C8A: variants seen among roughly 807,000 people sequenced by gnomAD.
The protein encoded by C8A is complement component C8 alpha chain.
A neutral mutation model predicts 65.3 loss-of-function variants in C8A; 67 were observed. The ratio of observed to expected loss-of-function variants is 1.03; its 90% CI spans 0.84 to 1.26. The LOEUF is 1.26. Among genes scored for constraint, C8A ranks in the 50% most tolerant of loss-of-function variants. C8A has a pLI of 0.00. For missense variants in C8A, 781 were observed against 723.9 expected, an observed-to-expected ratio of 1.08 and a Z score of -0.90; for synonymous variants, 290 against 259.4, an observed-to-expected ratio of 1.12 and a Z score of -1.13.
intron 7 of C8A, among the ~76,000 whole-genome samples, chr1:56,887,620 A>T (rs1418969805): frequency 6.6e-6 from 1 of 152,138 alleles, no homozygotes; most frequent in African/African-American, 2.4e-5. Context: ...AGATGGATAG[A>T]TTGCAAAATT....
In C8A at chr1:56,885,459, C is replaced by T. The variant is rs1231173182; in HGVS notation, c.856-468C>T. Among the ~76,000 whole-genome samples, 46 of 79,954 alleles carry T rather than the reference C, an allele frequency of 5.8e-4. 1 individual carries two copies. The highest frequency in any genetic ancestry group is 3.7e-4 in the South Asian group (1 of 2,674). 52.5% of individuals were successfully genotyped at this position (79,954 alleles called of 152,430 possible). ...ATTTAAGTAAATATATATATATTTCCGTAAATATATATTTATTTAAATATA... is the reference window on the plus strand; with the variant it reads ...ATTTAAGTAAATATATATATATTTCTGTAAATATATATTTATTTAAATATA... On this transcript the variant is annotated intron_variant, in intron 6 of 10. Transcript: ENST00000361249.
rs187135731 is a variant in C8A at position 56,860,223 on chromosome 1, C to T, written c.77+5245C>T. On this transcript the variant is annotated intron_variant, in intron 1 of 10. Transcript: ENST00000361249. ...GATGTGAAGGGCGGTAGTGAGAAGC[C>T]GGGTGAAGAGCAGGGTAAAGCGGAG... is the stretch of plus-strand genomic sequence containing the variant. Among the ~76,000 whole-genome samples the T allele has an allele frequency of 2.7e-4, 41 of 152,088 alleles. 1 individual carries two copies. The highest frequency in any genetic ancestry group is 8.7e-4 in the African/African-American group (36 of 41,464).
Position 56,903,442 on chromosome 1 carries a change from A to G in C8A, c.1097-3225A>G, listed in dbSNP as rs148158593. On this transcript the variant is annotated intron_variant, in intron 7 of 10. Coordinates refer to ENST00000361249, the MANE Select transcript of C8A (RefSeq NM_000562.3). ...CCCCAGCCATGCTGCACTGTGAGTC[A>G]ATTAAACTTCTTTCTTTTATAAAAT... Among the ~76,000 whole-genome samples, 576 of 152,272 alleles carry G rather than the reference A, an allele frequency of 3.8e-3. 6 individuals are homozygous for G. The South Asian group carries it at 0.044, about 12-fold the overall frequency.
intron 9 of C8A, among the ~76,000 whole-genome samples, chr1:56,908,591 T>A (rs1158800929): frequency 1.3e-5 from 2 of 152,224 alleles, no homozygotes; most frequent in Non-Finnish European, 2.9e-5. Context: ...ATAAAAGTCA[T>A]TCCTGGCTCA....
At position 56,885,468 on chromosome 1, in the gene C8A, ATATTTATTTAAATATATATT is replaced by A. The variant is rs1644291216; in HGVS notation, c.856-456_856-437del. Among the ~76,000 whole-genome samples the A allele has an allele frequency of 1.6e-4, 17 of 107,380 alleles. No homozygotes were observed. In the South Asian group the frequency reaches 4.8e-3, roughly 30 times the overall value. The allele number at this position is 107,380 out of a possible 152,430, so 70.4% of individuals were successfully genotyped here. ...AATATATATATATTTCCGTAAATAT[ATATTTATTTAAATATATATT>A]TACGTAAATACATATATATATTTCT... On this transcript the variant is annotated intron_variant, in intron 6 of 10. Transcript: ENST00000361249.
At chr1:56,907,813 T>C (rs888849453) in intron 8 of C8A, 143 bp from the exon 9 acceptor site, 1 of 978,424 alleles carries the variant, frequency 1.0e-6, no homozygotes, top group South Asian at 1.4e-5. Flanking sequence ...CTTGTCCTGC[T>C]AGCTAACCAA....
intron 1 of C8A, among the ~76,000 whole-genome samples, chr1:56,866,384 A>G (rs989562656): frequency 1.3e-5 from 2 of 152,192 alleles, no homozygotes; most frequent in African/African-American, 4.8e-5. Context: ...TGGTAGATCT[A>G]GCCCACTTAC....
At chr1:56,859,072 C>T (rs1358370455) in intron 1 of C8A, among the ~76,000 whole-genome samples, 1 of 152,148 alleles carries the variant, frequency 6.6e-6, no homozygotes, top group African/African-American at 2.4e-5. Flanking sequence ...TGTCAGAAAT[C>T]CTTCAGAATA....
At position 56,917,577 on chromosome 1, in the gene C8A, A is replaced by G. The variant is rs764690632; in HGVS notation, c.1616A>G (p.Asp539Gly). 1.2e-6 allele frequency: 2 copies of G among 1,614,158 alleles called. No individual in the cohort carries two copies. The highest frequency in any genetic ancestry group is 2.7e-5 in the African/African-American group (2 of 75,044). Residue 539 changes from aspartate (D) to glycine (G), a missense_variant, in exon 11 of 11, where the codon GAT becomes GGT. Coordinates refer to ENST00000361249, the MANE Select transcript of C8A (RefSeq NM_000562.3). Reference sequence around the variant, plus strand: ...ATTTCCTCTGCAGGAGCCAAAGCAGATGGGAGCTGGAGTTGCTGGAGCTCC... The same window carrying G: ...ATTTCCTCTGCAGGAGCCAAAGCAGGTGGGAGCTGGAGTTGCTGGAGCTCC... ...EQTQTEGAKA[D>G]GSWSCWSSWS...
chr1:56,882,667 C>T (rs1334440610), intron 5 of C8A, among the ~76,000 whole-genome samples: 1 of 152,002 alleles, frequency 6.6e-6, no homozygotes, highest in Non-Finnish European at 1.5e-5. Flanking sequence ...CCAACCTCTA[C>T]TCTCTATCAG....
rs1407356593 is a variant in C8A, at chr1:56,881,639, G to A, written c.654+5G>A. ...TTTCTGAAGTACCACTTTGAAGTAA[G>A]TCTGAACAGAGGGGCTCTGAGGCCA... On this transcript the variant is annotated splice_donor_5th_base_variant and intron_variant, in intron 5 of 10. Transcript: ENST00000361249. The A allele has an allele frequency of 7.4e-6, 12 of 1,612,348 alleles. No individual in the cohort carries two copies. The highest frequency in any genetic ancestry group is 2.7e-5 in the African/African-American group (2 of 74,862).
At chr1:56,917,537 TCTC>T (rs1331144149) in intron 10 of C8A, 25 bp from the exon 11 acceptor site, 2 of 1,613,814 alleles carry the variant, frequency 1.2e-6, no homozygotes, top group East Asian at 2.2e-5. Flanking sequence ...ATGCTAACCT[TCTC>T]CTCCCTGGGA....
chr1:56,881,331 G>T (rs1053255192), intron 4 of C8A, 114 bp from the exon 5 acceptor site: 12 of 1,061,400 alleles, frequency 1.1e-5, no homozygotes, highest in Non-Finnish European at 1.6e-5. Flanking sequence ...GGATGTGCAG[G>T]TTTGTCACAT....
chr1:56,863,021 A>G (rs1204761712), intron 1 of C8A, among the ~76,000 whole-genome samples: 1 of 152,176 alleles, frequency 6.6e-6, no homozygotes, highest in Admixed American at 6.6e-5. Context: ...AGGGGAGTGG[A>G]ACAATGTGTA....
In C8A at chr1:56,859,586, T is replaced by A. The variant is rs114344208; in HGVS notation, c.77+4608T>A. On this transcript the variant is annotated intron_variant, in intron 1 of 10. Transcript: ENST00000361249. ...CATGCTTGGAACTTAAAGTTCTGTA[T>A]GGAATTCTATGTGCATCTAGCACAC... Among the ~76,000 whole-genome samples, 1,285 of 152,336 alleles carry A rather than the reference T, an allele frequency of 8.4e-3. 10 individuals are homozygous for A. Among genetic ancestry groups the A allele is most frequent in the African/African-American group, 0.023 (939 of 41,578 alleles).
chr1:56,900,267 G>A (rs1018791880), intron 7 of C8A, among the ~76,000 whole-genome samples: 1 of 152,166 alleles, frequency 6.6e-6, no homozygotes, highest in Non-Finnish European at 1.5e-5. Flanking sequence ...TTTGAGTATG[G>A]CATATCTTGC....
Position 56,907,977 on chromosome 1 carries a change from C to T in C8A, c.1244C>T (p.Ala415Val). Residue 415 changes from alanine to valine, a missense_variant, in exon 9 of 11, where the codon GCT becomes GTT. Transcript: ENST00000361249. ...GKTERARKAM[A>V]VEDIISRVRG... ...GCAGAAAGGGCCAGGAAGGCCATGG[C>T]TGTGGAAGACATTATTTCTCGGGTG... 1 of 1,614,152 alleles carries T rather than the reference C, an allele frequency of 6.2e-7. No individual in the cohort carries two copies. The highest frequency in any genetic ancestry group is 8.5e-7 in the Non-Finnish European group (1 of 1,180,016).
chr1:56,883,384 T>A lies in C8A; in HGVS notation c.655-97T>A, dbSNP rs1373944335. On this transcript the variant is annotated intron_variant, in intron 5 of 10. Coordinates refer to ENST00000361249, the MANE Select transcript of C8A (RefSeq NM_000562.3). ...AAGAATTACCTACCATAATCTAAAA[T>A]TTTAGATATTTTACAAAGCAAAGAT... 5.5e-6 allele frequency: 6 copies of A among 1,085,374 alleles called. No individual in the cohort carries two copies. The African/African-American group carries it at 9.5e-5, about 17-fold the overall frequency. 67.2% of individuals were successfully genotyped at this position (1,085,374 alleles called of 1,614,324 possible).
At chr1:56,904,024 T>G (rs963711193) in intron 7 of C8A, among the ~76,000 whole-genome samples, 1 of 152,200 alleles carries the variant, frequency 6.6e-6, no homozygotes, top group Non-Finnish European at 1.5e-5. Flanking sequence ...CAGAGGATTG[T>G]CTAGTTCCAT....
Sources: gnomAD v4.1 joint callset for allele counts (sites outside exome capture counted in the v4.1 genomes callset) on GRCh38, gnomAD v4.1.1 for gene constraint, MANE v1.5 for transcripts, NCBI Gene and HGNC (gene_info 2026-07-23, HGNC 2026-07-21) for gene names.